The following DMD variants were observed in gnomAD, a reference collection of about 807,000 sequenced individuals.
DMD encodes dystrophin, also known as mutant dystrophin.
In DMD, 63 loss-of-function variants were observed where a neutral mutation model predicts 330.1. That is an observed-to-expected ratio of 0.19 (90% CI 0.16 to 0.24). The LOEUF (loss-of-function observed/expected upper bound fraction) is 0.24. Ranked by LOEUF, DMD falls within the 10% of genes least tolerant of loss-of-function variation. DMD has a pLI of 1.00. For missense variants in DMD, 3,344 were observed against 2,684.1 expected (o/e 1.25, Z -5.43); for synonymous variants, 1,223 against 959.8 (o/e 1.27, Z -5.07).
intron 1 of DMD, among the ~76,000 whole-genome samples, chrX:33,022,072 A>G (rs771715906): frequency 9.0e-6 from 1 of 111,647 alleles, no homozygotes; most frequent in Non-Finnish European, 1.9e-5. Context: ...GTATATACAT[A>G]TATTCCTAAA....
At position 32,933,729 on chromosome X, in the gene DMD, C is replaced by T. The variant is rs1431814266; in HGVS notation, c.94-83909G>A. ...TGGGAAACCATCAGAGAGGCAGTGA[C>T]GAGAGTGTTATCTCGACAACTGAAG... On this transcript the variant is annotated intron_variant, in intron 2 of 78. Transcript: ENST00000357033. 3.6e-5 allele frequency among the ~76,000 whole-genome samples: 4 copies of T among 111,723 alleles called. No individual in the cohort carries two copies. In the South Asian group the frequency reaches 1.1e-3, roughly 32 times the overall value.
intron 41 of DMD, among the ~76,000 whole-genome samples, chrX:32,329,975 G>A (rs1454476698): frequency 8.9e-6 from 1 of 112,021 alleles, no homozygotes; most frequent in African/African-American, 3.2e-5. Flanking sequence ...GCTTTCCTCT[G>A]TTTTACATGC....
At chrX:31,703,391 C>T (rs2083953733) in intron 52 of DMD, among the ~76,000 whole-genome samples, 1 of 112,209 alleles carries the variant, frequency 8.9e-6, no homozygotes, top group Non-Finnish European at 1.9e-5. Context: ...ACATGTATCT[C>T]ACATGTGTCT....
chrX:32,705,412 A>G (rs113940448), intron 7 of DMD, among the ~76,000 whole-genome samples: 8,659 of 111,908 alleles, frequency 0.077, 787 homozygotes, highest in African/African-American at 0.27. Flanking sequence ...ATATTTATCC[A>G]GGAGAAACAC....
In DMD at chrX:31,749,777, C is replaced by T. The variant is rs1158379292; in HGVS notation, c.7543-20029G>A. On this transcript the variant is annotated intron_variant, in intron 51 of 78. Coordinates refer to ENST00000357033, the MANE Select transcript of DMD (RefSeq NM_004006.3). ...TCCCACCAACAGTGTAAGAGTGTTC[C>T]TATTTCTCCACATCCTCTCCAGCAC... Among the ~76,000 whole-genome samples the T allele has an allele frequency of 5.0e-4, 53 of 106,975 alleles. 1 individual carries two copies. Among genetic ancestry groups the T allele is most frequent in the Admixed American group, 2.4e-3 (24 of 9,944 alleles). 92.9% of individuals were successfully genotyped at this position (106,975 alleles called of 115,157 possible).
chrX:32,336,995 T>C (rs756720818), intron 41 of DMD, among the ~76,000 whole-genome samples: 1 of 111,175 alleles, frequency 9.0e-6, no homozygotes, highest in African/African-American at 3.3e-5. Context: ...CCTGATATGA[T>C]CTCATTAACT....
chrX:32,640,777 C>T (rs2059397063), intron 11 of DMD, among the ~76,000 whole-genome samples: 1 of 111,598 alleles, frequency 9.0e-6, no homozygotes, highest in Non-Finnish European at 1.9e-5. Flanking sequence ...TCCTCTCTTC[C>T]TCCAGTGGCC....
chrX:32,325,291 T>C (rs1353016424), intron 41 of DMD, among the ~76,000 whole-genome samples: 1 of 111,373 alleles, frequency 9.0e-6, no homozygotes, highest in Non-Finnish European at 1.9e-5. Context: ...TACCTTTGTA[T>C]TAATTGATTA....
At chrX:31,384,312 T>TACTACC (rs1491425488) in intron 60 of DMD, among the ~76,000 whole-genome samples, 1 of 17,162 alleles carries the variant, frequency 5.8e-5, no homozygotes, top group African/African-American at 2.0e-4. Flanking sequence ...CCTGCTTCAC[T>TACTACC]ACTACTACTA....
intron 47 of DMD, among the ~76,000 whole-genome samples, chrX:31,903,814 TAAGA>T (rs1569506408): frequency 9.0e-6 from 1 of 111,706 alleles, no homozygotes; most frequent in Non-Finnish European, 1.9e-5. Context: ...TACTAGGAAA[TAAGA>T]AAGAACATTA....
At chrX:33,318,713 C>A (rs1199282982) in intron 1 of DMD, among the ~76,000 whole-genome samples, 3 of 110,240 alleles carry the variant, frequency 2.7e-5, no homozygotes, top group Non-Finnish European at 5.7e-5. Flanking sequence ...TCCCAAAGTG[C>A]TGGGGTTACA....
intron 62 of DMD, among the ~76,000 whole-genome samples, chrX:31,297,842 C>T (rs979521622): frequency 8.9e-6 from 1 of 112,297 alleles, no homozygotes; most frequent in South Asian, 3.7e-4. Context: ...GTTCTATGGG[C>T]CTACAGTCCT....
intron 29 of DMD, among the ~76,000 whole-genome samples, chrX:32,421,086 C>T (rs190390576): frequency 8.9e-4 from 99 of 111,863 alleles, no homozygotes; most frequent in Admixed American, 9.5e-4. Context: ...ACGACTGGTC[C>T]TTTTTCATCC....
chrX:32,026,408 A>G (rs1340672628), intron 44 of DMD, among the ~76,000 whole-genome samples: 2 of 112,216 alleles, frequency 1.8e-5, no homozygotes, highest in East Asian at 2.8e-4. Flanking sequence ...TCATTCCACA[A>G]TGGGACTTAA....
chrX:31,834,857 G>A (rs752844720), intron 49 of DMD, among the ~76,000 whole-genome samples: 67 of 110,271 alleles, frequency 6.1e-4, no homozygotes, highest in Non-Finnish European at 1.3e-4. Context: ...GGGAAACAGG[G>A]AAGGAGAAAA....
chrX:32,620,704 A>G (rs139831228), intron 11 of DMD, among the ~76,000 whole-genome samples: 1 of 112,177 alleles, frequency 8.9e-6, no homozygotes, highest in African/African-American at 3.2e-5. Flanking sequence ...ATATCTATGC[A>G]GGAAACTCAT....
chrX:31,429,386 G>A (rs73212348), intron 60 of DMD, among the ~76,000 whole-genome samples: 15,295 of 111,030 alleles, frequency 0.14, 1,067 homozygotes, highest in East Asian at 0.42. Context: ...TGGAATGGCT[G>A]TTACAGTTTT....
At chrX:31,961,908 C>A (rs750081572) in intron 45 of DMD, among the ~76,000 whole-genome samples, 10 of 109,796 alleles carry the variant, frequency 9.1e-5, no homozygotes, top group African/African-American at 3.3e-4. Context: ...ATGTTCAATT[C>A]TTTTGCTACT....
intron 47 of DMD, among the ~76,000 whole-genome samples, chrX:31,891,845 G>C (rs2094256946): frequency 8.9e-6 from 1 of 111,963 alleles, no homozygotes; most frequent in African/African-American, 3.2e-5. Context: ...CTGTATTTCA[G>C]AGCCGCTTTA....
Sources: allele counts gnomAD v4.1 joint callset (sites outside exome capture counted in the v4.1 genomes callset), GRCh38; gene constraint gnomAD v4.1.1; transcripts MANE v1.5; gene names NCBI Gene and HGNC (gene_info 2026-07-23, HGNC 2026-07-21).